NELL1: variants seen among roughly 807,000 people sequenced by gnomAD.
NELL1 encodes protein kinase C-binding protein NELL1.
Under a neutral mutation model 107.4 loss-of-function variants are expected in NELL1, and 76 were observed. The observed-to-expected ratio is 0.71, with a 90% CI of 0.59 to 0.86. The LOEUF (loss-of-function observed/expected upper bound fraction) is 0.86, where lower values mean the gene tolerates loss of function less well. Among genes scored for constraint, NELL1 ranks in the 40% least tolerant of loss-of-function variants. The pLI, the probability that NELL1 is intolerant of heterozygous loss-of-function variation, is 0.00. For synonymous variants in NELL1, 353 were observed against 341.2 expected (o/e 1.03, Z -0.38); for missense variants, 1,024 against 1,005.5 (o/e 1.02, Z -0.25).
chr11:21,206,659 A>G (rs150833484), intron 13 of NELL1, among the ~76,000 whole-genome samples: 56 of 152,242 alleles, frequency 3.7e-4, no homozygotes, highest in Non-Finnish European at 6.8e-4. Context: ...CTGGACAGGG[A>G]GCCACAACCA....
At chr11:21,237,469 C>G (rs950387049) in intron 14 of NELL1, among the ~76,000 whole-genome samples, 3 of 152,036 alleles carry the variant, frequency 2.0e-5, no homozygotes, top group Non-Finnish European at 4.4e-5. Context: ...TGTGCCTCTT[C>G]TCTTTAGTTT....
intron 12 of NELL1, among the ~76,000 whole-genome samples, chr11:21,028,691 C>T (rs1378690179): frequency 6.6e-6 from 1 of 151,880 alleles, no homozygotes; most frequent in Non-Finnish European, 1.5e-5. Flanking sequence ...TTATATTTGT[C>T]TACTTTTTTC....
Position 21,337,787 on chromosome 11 carries a change from T to TCTTTCTTG in NELL1, c.1550-33059_1550-33058insGCTTTCTT, listed in dbSNP as rs1850453484. 3.4e-5 allele frequency among the ~76,000 whole-genome samples: 5 copies of TCTTTCTTG among 145,512 alleles called. No homozygotes were observed. The South Asian group carries it at 7.0e-4, about 20-fold the overall frequency. Reference sequence around the variant, plus strand: ...TTCTTTCTTTCTTTCTTTCTTTCTTTCTTTCTTTCCTTCTTTCTTTCTTGC... The same window carrying TCTTTCTTG: ...TTCTTTCTTTCTTTCTTTCTTTCTTTCTTTCTTGCTTTCTTTCCTTCTTTCTTTCTTGC... On this transcript the variant is annotated intron_variant, in intron 14 of 19. Transcript: ENST00000357134.
chr11:21,275,127 A>G (rs1312046778), intron 14 of NELL1, among the ~76,000 whole-genome samples: 2 of 152,182 alleles, frequency 1.3e-5, no homozygotes, highest in Non-Finnish European at 2.9e-5. Context: ...TTTTTTGAAA[A>G]GATCAACAAA....
intron 14 of NELL1, among the ~76,000 whole-genome samples, chr11:21,282,611 T>C (rs567267664): frequency 6.6e-6 from 1 of 152,246 alleles, no homozygotes; most frequent in African/African-American, 2.4e-5. Context: ...GAGAACAGTT[T>C]GGAAGTTCCT....
intron 15 of NELL1, among the ~76,000 whole-genome samples, chr11:21,486,323 T>G (rs1854631182): frequency 6.6e-6 from 1 of 152,086 alleles, no homozygotes; most frequent in African/African-American, 2.4e-5. Context: ...CAGCCTCCAC[T>G]AGTAACCATA....
chr11:21,573,544 T>A (rs193259197), intron 19 of NELL1, 135 bp downstream of exon 19: 171 of 755,194 alleles, frequency 2.3e-4, no homozygotes, highest in Admixed American at 5.2e-4. Context: ...TTACTTCTCA[T>A]AGGAATTTAA....
At chr11:21,391,518 C>T (rs1326523225) in intron 15 of NELL1, among the ~76,000 whole-genome samples, 1 of 151,636 alleles carries the variant, frequency 6.6e-6, no homozygotes, top group African/African-American at 2.4e-5. Context: ...TTACTTCTGC[C>T]TTACTTTTCA....
chr11:21,161,109 A>G (rs1856357656), intron 13 of NELL1, among the ~76,000 whole-genome samples: 1 of 152,142 alleles, frequency 6.6e-6, no homozygotes, highest in South Asian at 2.1e-4. Flanking sequence ...AAAAAGTATC[A>G]GGAACAATAC....
chr11:20,837,227 AATT>A (rs1206390732), intron 3 of NELL1, among the ~76,000 whole-genome samples: 1 of 152,152 alleles, frequency 6.6e-6, no homozygotes. Context: ...GAAAGTGAAT[AATT>A]AATTAAGTAA....
In NELL1 at chr11:21,259,575, C is replaced by T. The variant is rs541213692; in HGVS notation, c.1549+30121C>T. Reference sequence around the variant, plus strand: ...AGTGCTGCAATAGACAGACTGGGGTCGGTAGCCAGGAAGCCTTGAATGCCC... The same window carrying T: ...AGTGCTGCAATAGACAGACTGGGGTTGGTAGCCAGGAAGCCTTGAATGCCC... On this transcript the variant is annotated intron_variant, in intron 14 of 19. Transcript: ENST00000357134. Among the ~76,000 whole-genome samples the T allele has an allele frequency of 9.9e-5, 15 of 151,868 alleles. No homozygotes were observed. The East Asian group carries it at 1.6e-3, about 16-fold the overall frequency.
chr11:21,143,476 G>T (rs1855911867), intron 13 of NELL1, among the ~76,000 whole-genome samples: 1 of 152,034 alleles, frequency 6.6e-6, no homozygotes, highest in African/African-American at 2.4e-5. Flanking sequence ...GGGTGAAATA[G>T]CTAGCGAAAA....
At chr11:21,538,099 C>T (rs1318604089) in intron 16 of NELL1, among the ~76,000 whole-genome samples, 1 of 152,056 alleles carries the variant, frequency 6.6e-6, no homozygotes, top group African/African-American at 2.4e-5. Flanking sequence ...GAAATATCAG[C>T]ATCTAAAATA....
chr11:20,922,169 TC>T (rs1340014209), intron 7 of NELL1, among the ~76,000 whole-genome samples: 1 of 152,098 alleles, frequency 6.6e-6, no homozygotes, highest in Non-Finnish European at 1.5e-5. Context: ...AAGATACTTT[TC>T]CCCAACTCTG....
intron 15 of NELL1, among the ~76,000 whole-genome samples, chr11:21,533,774 G>A (rs966407231): frequency 1.3e-5 from 2 of 152,158 alleles, no homozygotes; most frequent in African/African-American, 4.8e-5. Flanking sequence ...TTCCCAAACT[G>A]TGTTCCCCAC....
At chr11:21,275,750 G>A (rs569115409) in intron 14 of NELL1, among the ~76,000 whole-genome samples, 13 of 152,134 alleles carry the variant, frequency 8.5e-5, no homozygotes, top group Non-Finnish European at 1.5e-4. Context: ...TTCAACATAC[G>A]CAAATCAATA....
intron 15 of NELL1, among the ~76,000 whole-genome samples, chr11:21,421,575 T>A (rs1852670472): frequency 6.6e-6 from 1 of 151,982 alleles, no homozygotes; most frequent in Admixed American, 6.6e-5. Flanking sequence ...TGTAAGCCCT[T>A]CTCCACCACC....
intron 16 of NELL1, among the ~76,000 whole-genome samples, chr11:21,558,937 A>T (rs997375266): frequency 1.2e-4 from 19 of 152,076 alleles, no homozygotes; most frequent in Non-Finnish European, 2.6e-4. Flanking sequence ...GATGGGCATG[A>T]CTAGTAACAG....
intron 13 of NELL1, among the ~76,000 whole-genome samples, chr11:21,140,283 CTT>C (rs1855837576): frequency 6.6e-6 from 1 of 152,160 alleles, no homozygotes; most frequent in Admixed American, 6.5e-5. Context: ...CAACAAAACT[CTT>C]TTAAACCAGT....
Sources: gnomAD v4.1 joint callset for allele counts (sites outside exome capture counted in the v4.1 genomes callset) on GRCh38, gnomAD v4.1.1 for gene constraint, MANE v1.5 for transcripts, NCBI Gene and HGNC (gene_info 2026-07-23, HGNC 2026-07-21) for gene names.